ERICH6: variants seen among roughly 807,000 people sequenced by gnomAD.
The protein encoded by ERICH6 is glutamate-rich protein 6.
In ERICH6, 71 loss-of-function variants were observed where a neutral mutation model predicts 71.0. That is an observed-to-expected ratio of 1.00 (90% CI 0.83 to 1.22). The LOEUF is 1.22. Among genes scored for constraint, ERICH6 ranks in the 50% most tolerant of loss-of-function variants. The pLI is 0.00. For synonymous variants in ERICH6, 262 were observed against 278.4 expected, an observed-to-expected ratio of 0.94 and a Z score of 0.59; for missense variants, 808 against 797.2, an observed-to-expected ratio of 1.01 and a Z score of -0.16.
chr3:150,678,609 C>A (rs1444473167), intron 9 of ERICH6, 55 bp from the exon 10 acceptor site: 4 of 1,410,816 alleles, frequency 2.8e-6, no homozygotes, highest in Non-Finnish European at 3.8e-6. Flanking sequence ...TTTCTAAAGC[C>A]TCTTTTCTAA....
chr3:150,663,670 G>A (rs372447233), intron 13 of ERICH6, among the ~76,000 whole-genome samples: 1 of 152,068 alleles, frequency 6.6e-6, no homozygotes, highest in African/African-American at 2.4e-5. Flanking sequence ...TAGAGATCGG[G>A]TCTCACTATG....
chr3:150,698,915 C>T, intron 2 of ERICH6, 33 bp from the exon 3 acceptor site: 2 of 1,433,448 alleles, frequency 1.4e-6, no homozygotes, highest in Non-Finnish European at 2.0e-6. Flanking sequence ...TTGAGTATAC[C>T]TATATAGTTG....
At chr3:150,677,408 T>A (rs568596779) in intron 10 of ERICH6, among the ~76,000 whole-genome samples, 1 of 152,286 alleles carries the variant, frequency 6.6e-6, no homozygotes, top group South Asian at 2.1e-4. Context: ...AGAATCAGTA[T>A]GTCCGAGAAC....
intron 13 of ERICH6, among the ~76,000 whole-genome samples, chr3:150,660,604 A>G (rs557789816): frequency 1.4e-4 from 22 of 152,024 alleles, no homozygotes; most frequent in South Asian, 6.2e-4. Flanking sequence ...ATGTGCCCCA[A>G]CCTCCAGGAG....
chr3:150,662,313 C>T (rs1036499008), intron 13 of ERICH6, among the ~76,000 whole-genome samples: 5 of 152,080 alleles, frequency 3.3e-5, no homozygotes, highest in African/African-American at 4.8e-5. Flanking sequence ...AAAATATATA[C>T]GGCAAAAGTT....
chr3:150,686,300 C>A lies in ERICH6; in HGVS notation c.608G>T (p.Arg203Ile). 6.2e-7 allele frequency: 1 copy of A among 1,614,128 alleles called. No individual in the cohort carries two copies. The highest frequency in any genetic ancestry group is 1.1e-5 in the South Asian group (1 of 91,072). Residue 203 changes from arginine to isoleucine, a missense_variant and splice_region_variant, in exon 4 of 14, where the codon AGA becomes ATA. Physicochemically the swap from Arg to Ile is moderately conservative, Grantham distance 97 (BLOSUM62 -3). Transcript: ENST00000295910. ...GATGATGCCAAACATGTATTTACCT[C>A]TTAACTTAGATGCCAGACATTCAGG... ...AEPECLASKL[R>I]EKWVINPEES... is the part of the protein sequence containing the mutation.
intron 3 of ERICH6, among the ~76,000 whole-genome samples, chr3:150,695,471 C>T (rs546301162): frequency 6.6e-6 from 1 of 151,618 alleles, no homozygotes; most frequent in Non-Finnish European, 1.5e-5. Context: ...ACCATCCTGG[C>T]CAACGTGGTG....
At chr3:150,701,999 A>T in intron 2 of ERICH6, 122 bp downstream of exon 2, 1 of 689,070 alleles carries the variant, frequency 1.5e-6, no homozygotes, top group Non-Finnish European at 2.4e-6. Context: ...TTTAAAAAAA[A>T]CTTTTTAAAA....
chr3:150,686,454 T>C (rs916438188), intron 3 of ERICH6, 100 bp from the exon 4 acceptor site: 2 of 953,656 alleles, frequency 2.1e-6, no homozygotes, highest in Non-Finnish European at 3.2e-6. Flanking sequence ...ACCCTTACTA[T>C]GTTTCTTTTA....
intron 7 of ERICH6, among the ~76,000 whole-genome samples, chr3:150,681,433 C>A (rs375770432): frequency 6.6e-6 from 1 of 152,218 alleles, no homozygotes; most frequent in African/African-American, 2.4e-5. Context: ...ACATTTTATT[C>A]ATCCATTCAT....
intron 10 of ERICH6, 142 bp downstream of exon 10, chr3:150,678,267 A>G (rs1206879702): frequency 2.9e-6 from 2 of 683,126 alleles, no homozygotes; most frequent in African/African-American, 3.8e-5. Context: ...GTCTAGCAGA[A>G]GTTAAAAGAC....
Position 150,680,883 on chromosome 3 carries a change from C to T in ERICH6, c.930G>A (p.Glu310=), listed in dbSNP as rs767646036. Residue 310 remains glutamate (E), a synonymous_variant, in exon 8 of 14, where the codon GAG becomes GAA. Transcript: ENST00000295910. ...TAGGGGGTTTGGTTTTTATTTGCTCCTCATAGATATAGTCAATCAGATTTT... is the reference window on the plus strand; with the variant it reads ...TAGGGGGTTTGGTTTTTATTTGCTCTTCATAGATATAGTCAATCAGATTTT... ...AFQNLIDYIY[E]EQIKTKPPKA... is the part of the protein sequence containing the mutation. 2.5e-6 allele frequency: 4 copies of T among 1,613,438 alleles called. No homozygotes were observed. The South Asian group carries it at 4.4e-5, about 18-fold the overall frequency.
rs1360003695 is a variant in ERICH6 at position 150,659,964 on chromosome 3, G to A, written c.1920C>T (p.Ala640=). ...YLSSLSLKLI[A]LCHSSGIKQD... Reference sequence around the variant, plus strand: ...GCTTTATACCAGAACTGTGACAAAGGGCAATTAGTTTTAGAGAAAGTGAAG... The same window carrying A: ...GCTTTATACCAGAACTGTGACAAAGAGCAATTAGTTTTAGAGAAAGTGAAG... Residue 640 remains alanine, a synonymous_variant, in exon 14 of 14, where the codon GCC becomes GCT. Coordinates refer to ENST00000295910, the MANE Select transcript of ERICH6 (RefSeq NM_152394.5). 6 of 1,613,782 alleles carry A rather than the reference G, an allele frequency of 3.7e-6. No homozygotes were observed. Among genetic ancestry groups the A allele is most frequent in the Non-Finnish European group, 5.1e-6 (6 of 1,179,906 alleles).
chr3:150,682,599 C>G (rs1712014582), intron 6 of ERICH6, among the ~76,000 whole-genome samples: 1 of 152,144 alleles, frequency 6.6e-6, no homozygotes, highest in South Asian at 2.1e-4. Flanking sequence ...AAGAAAGTTG[C>G]AGAAATGAAT....
In ERICH6 at chr3:150,691,402, G is replaced by A. The variant is rs548840701; in HGVS notation, c.554-5048C>T. ...CTAATTCAAAGATCATGTATTAAAC[G>A]AGGTAAAAGGAACCAGGAAATAAGA... is the stretch of plus-strand genomic sequence containing the variant. On this transcript the variant is annotated intron_variant, in intron 3 of 13. Coordinates refer to ENST00000295910, the MANE Select transcript of ERICH6 (RefSeq NM_152394.5). 5.3e-5 allele frequency among the ~76,000 whole-genome samples: 8 copies of A among 152,186 alleles called. 1 individual carries two copies. The highest frequency in any genetic ancestry group is 1.9e-4 in the East Asian group (1 of 5,186).
rs964055410 is a variant in ERICH6 at position 150,660,124 on chromosome 3, C to T, written c.1760G>A (p.Arg587Gln). ...LPNPEEIPIL[R>Q]YVSGDDLLLL... ...AAGAAGGTCATCTCCACTTACGTAT[C>T]GGAGGATTGGAATCTCCTCAGGGTT... The change falls in exon 14 of 14, where the codon CGA becomes CAA. Residue 587 changes from arginine (R) to glutamine (Q), a missense_variant. This residue lies in a region of ERICH6 where 736 missense variants were observed against 712.2 expected (regional missense o/e 1.03). Coordinates refer to ENST00000295910, the MANE Select transcript of ERICH6 (RefSeq NM_152394.5). The T allele has an allele frequency of 1.8e-5, 29 of 1,613,738 alleles. No homozygotes were observed. The highest frequency in any genetic ancestry group is 1.3e-4 in the African/African-American group (10 of 74,848).
intron 11 of ERICH6, among the ~76,000 whole-genome samples, chr3:150,671,612 T>TA (rs1398506271): frequency 3.3e-5 from 5 of 152,202 alleles, no homozygotes; most frequent in Non-Finnish European, 7.3e-5. Flanking sequence ...CCTATATGTT[T>TA]ATTTATTTAT....
rs1553752942 is a variant in ERICH6 at position 150,672,264 on chromosome 3, C to CATATATATATATGTATATATATATAT, written c.1343+1691_1343+1692insATATATATATATACATATATATATAT. On this transcript the variant is annotated intron_variant, in intron 11 of 13. Transcript: ENST00000295910. ...TAAACAAAGAATCCATTTATATATA[C>CATATATATATATGTATATATATATAT]ATATATATATATATGCTCATACACA... Among the ~76,000 whole-genome samples the CATATATATATATGTATATATATATAT allele has an allele frequency of 7.3e-5, 9 of 123,620 alleles. 1 individual carries two copies. The highest frequency in any genetic ancestry group is 3.2e-4 in the Admixed American group (4 of 12,342). The allele number at this position is 123,620 out of a possible 152,430, so 81.1% of individuals were successfully genotyped here.
rs376161034 is a variant in ERICH6 at position 150,660,365 on chromosome 3, T to C, written c.1729-210A>G. On this transcript the variant is annotated intron_variant, in intron 13 of 13. Transcript: ENST00000295910. ...GAGACTTGAGAGACCAAATGGAATCTGGATACCTTCAAAAGCCTATAATTT... is the reference window on the plus strand; with the variant it reads ...GAGACTTGAGAGACCAAATGGAATCCGGATACCTTCAAAAGCCTATAATTT... Among the ~76,000 whole-genome samples the C allele has an allele frequency of 4.8e-4, 73 of 152,310 alleles. No homozygotes were observed. The South Asian group carries it at 0.015, about 32-fold the overall frequency.
Sources: gnomAD v4.1 joint callset for allele counts (sites outside exome capture counted in the v4.1 genomes callset) on GRCh38, gnomAD v4.1.1 for gene constraint, gnomAD v4.1.1 regional missense constraint, MANE v1.5 for transcripts, NCBI Gene and HGNC (gene_info 2026-07-23, HGNC 2026-07-21) for gene names.